Variants in SRBD1 observed in about 807,000 individuals in gnomAD.
SRBD1 encodes the protein S1 RNA binding domain 1, also known as S1 RNA-binding domain-containing protein 1.
Under a neutral mutation model 115.3 loss-of-function variants are expected in SRBD1, and 88 were observed. The observed-to-expected ratio is 0.76, with a 90% CI of 0.64 to 0.91. SRBD1 has a LOEUF of 0.91. Ranked by LOEUF, SRBD1 falls within the 40% of genes least tolerant of loss-of-function variation. The probability of loss-of-function intolerance (pLI) is 0.00; values close to 1 mark genes in which losing one functional copy is unlikely to be tolerated. For missense variants in SRBD1, 1,385 were observed against 1,177.4 expected (o/e 1.18, Z -2.58); for synonymous variants, 509 against 407.7 (o/e 1.25, Z -2.99).
intron 7 of SRBD1, among the ~76,000 whole-genome samples, chr2:45,578,921 T>C (rs1033228701): frequency 2.6e-5 from 4 of 152,212 alleles, no homozygotes; most frequent in African/African-American, 4.8e-5. Flanking sequence ...ATAGAATAGT[T>C]TGACTATAAT....
At chr2:45,569,740 C>A (rs2104133382) in intron 9 of SRBD1, among the ~76,000 whole-genome samples, 1 of 152,244 alleles carries the variant, frequency 6.6e-6, no homozygotes, top group African/African-American at 2.4e-5. Flanking sequence ...TAGGACCCAC[C>A]TCTTTGCATT....
chr2:45,558,334 T>C (rs898161426), intron 10 of SRBD1, among the ~76,000 whole-genome samples: 1 of 152,150 alleles, frequency 6.6e-6, no homozygotes, highest in Admixed American at 6.5e-5. Flanking sequence ...AAAAAAAATT[T>C]CCTTAGATAC....
rs201709955 is a variant in SRBD1, at chr2:45,551,218, G to A, written c.1582C>T (p.Leu528Phe). Residue 528 changes from leucine (L) to phenylalanine (F), a missense_variant, in exon 12 of 21, where the codon CTC becomes TTC. By Grantham distance (22) the Leu-to-Phe change is conservative. Transcript: ENST00000263736. Reference sequence around the variant, plus strand: ...CCTGGAACAGGGCTTGTTAAAAGGAGCTGACGAAGGTTCCGTCCAAACATC... The same window carrying A: ...CCTGGAACAGGGCTTGTTAAAAGGAACTGACGAAGGTTCCGTCCAAACATC... ...VMMFGRNLRQ[L>F]LLTSPVPGRT... 6.2e-7 allele frequency: 1 copy of A among 1,612,926 alleles called. No homozygotes were observed. The highest frequency in any genetic ancestry group is 8.5e-7 in the Non-Finnish European group (1 of 1,179,828).
chr2:45,559,704 A>G (rs1243092813), intron 10 of SRBD1, among the ~76,000 whole-genome samples: 2 of 147,548 alleles, frequency 1.4e-5, no homozygotes, highest in Non-Finnish European at 3.0e-5. Context: ...TGCTTAAAGG[A>G]AAAAAAAAAG....
intron 18 of SRBD1, among the ~76,000 whole-genome samples, chr2:45,416,255 G>C (rs967385096): frequency 6.2e-5 from 8 of 129,586 alleles, no homozygotes; most frequent in African/African-American, 2.1e-4. Context: ...AAATGTCATA[G>C]AAAGTATAAA....
intron 9 of SRBD1, among the ~76,000 whole-genome samples, chr2:45,569,723 C>T (rs1672951892): frequency 6.6e-6 from 1 of 152,086 alleles, no homozygotes; most frequent in Admixed American, 6.6e-5. Flanking sequence ...ATAAATAAAA[C>T]ACAACATAGG....
chr2:45,476,957 T>C (rs1558420988), intron 16 of SRBD1, 36 bp downstream of exon 16: 2 of 1,589,552 alleles, frequency 1.3e-6, no homozygotes, highest in African/African-American at 1.3e-5. Flanking sequence ...CTTGTATTGA[T>C]GGATTTCATA....
rs972704333 is a variant in SRBD1, at chr2:45,420,409, G to A, written c.2050-515C>T. Among the ~76,000 whole-genome samples, 8 of 152,216 alleles carry A rather than the reference G, an allele frequency of 5.3e-5. No individual in the cohort carries two copies. In the East Asian group the frequency reaches 1.5e-3, roughly 29 times the overall value. ...AACAGTAAGACAGTAAATCAAACTC[G>A]TTTCATCAAATTGAAGACAGTACTG... On this transcript the variant is annotated intron_variant, in intron 16 of 20. Coordinates refer to ENST00000263736, the MANE Select transcript of SRBD1 (RefSeq NM_018079.5).
intron 1 of SRBD1, among the ~76,000 whole-genome samples, chr2:45,609,679 G>T (rs181037342): frequency 2.0e-3 from 309 of 152,234 alleles, no homozygotes; most frequent in Admixed American, 5.4e-3. Flanking sequence ...TCTGCCTGGA[G>T]TATTCTTCCC....
chr2:45,395,256 G>C (rs1045345295), intron 19 of SRBD1, among the ~76,000 whole-genome samples: 1 of 152,184 alleles, frequency 6.6e-6, no homozygotes, highest in East Asian at 1.9e-4. Flanking sequence ...CTAATGCGCT[G>C]TAAGTCTAGA....
intron 16 of SRBD1, among the ~76,000 whole-genome samples, chr2:45,431,625 CA>C (rs1386865814): frequency 1.3e-5 from 2 of 152,022 alleles, no homozygotes; most frequent in Admixed American, 6.5e-5. Context: ...TGGGGCCTGT[CA>C]GGGGGTGGAA....
chr2:45,416,172 T>C (rs1667826335), intron 18 of SRBD1, among the ~76,000 whole-genome samples: 1 of 151,928 alleles, frequency 6.6e-6, no homozygotes, highest in Non-Finnish European at 1.5e-5. Flanking sequence ...ACAACAAATA[T>C]GAATGTATTA....
At chr2:45,394,284 T>C (rs928223740) in intron 19 of SRBD1, among the ~76,000 whole-genome samples, 2 of 152,220 alleles carry the variant, frequency 1.3e-5, no homozygotes, top group Non-Finnish European at 2.9e-5. Context: ...AAAAAAAGAA[T>C]TGAAGGGTTA....
chr2:45,449,623 T>A (rs1370787879), intron 16 of SRBD1, among the ~76,000 whole-genome samples: 1 of 152,126 alleles, frequency 6.6e-6, no homozygotes, highest in Admixed American at 6.6e-5. Context: ...AGGACTATAA[T>A]TTTGGCCAAT....
chr2:45,397,030 TTGTC>T (rs1459063639), intron 19 of SRBD1, among the ~76,000 whole-genome samples: 1 of 152,192 alleles, frequency 6.6e-6, no homozygotes, highest in East Asian at 1.9e-4. Context: ...ACTTTCCTAC[TTGTC>T]TATTTTTACC....
intron 14 of SRBD1, chr2:45,546,186 T>C: frequency 1.0e-6 from 1 of 985,446 alleles, no homozygotes; most frequent in Admixed American, 6.1e-5. Context: ...GGGGCAAGAC[T>C]AGAGAAATTG....
intron 9 of SRBD1, chr2:45,569,155 C>A (rs923924926): frequency 6.6e-6 from 1 of 152,198 alleles, no homozygotes; most frequent in Non-Finnish European, 1.5e-5. Flanking sequence ...TTTTTCACAT[C>A]TGTGTCATCT....
chr2:45,448,938 T>C (rs563429393), intron 16 of SRBD1, among the ~76,000 whole-genome samples: 1 of 152,346 alleles, frequency 6.6e-6, no homozygotes, highest in Non-Finnish European at 1.5e-5. Context: ...TCTTAACTTT[T>C]ACGGATATTT....
At chr2:45,410,385 A>G (rs1667564086) in intron 19 of SRBD1, among the ~76,000 whole-genome samples, 1 of 152,236 alleles carries the variant, frequency 6.6e-6, no homozygotes, top group Non-Finnish European at 1.5e-5. Context: ...GTATTTTTCT[A>G]AGATAAATGA....
Sources: allele counts gnomAD v4.1 joint callset (sites outside exome capture counted in the v4.1 genomes callset), GRCh38; gene constraint gnomAD v4.1.1; transcripts MANE v1.5; gene names NCBI Gene and HGNC (gene_info 2026-07-23, HGNC 2026-07-21).